The following DNAH6 variants were observed in gnomAD, a reference collection of about 807,000 sequenced individuals.
The protein encoded by DNAH6 is axonemal beta dynein heavy chain 6.
DNAH6 carries 340 observed loss-of-function variants against 491.4 expected under a neutral mutation model. The ratio of observed to expected loss-of-function variants is 0.69; its 90% CI spans 0.63 to 0.76. DNAH6 has a LOEUF of 0.76. Among genes scored for constraint, DNAH6 ranks in the 30% least tolerant of loss-of-function variants. DNAH6 has a pLI of 0.00. For synonymous variants in DNAH6, 1,603 were observed against 1,686.1 expected (o/e 0.95, Z 1.21); for missense variants, 4,443 against 4,972.2 (o/e 0.89, Z 3.20).
At chr2:84,575,782 G>T (rs1682375789) in intron 12 of DNAH6, among the ~76,000 whole-genome samples, 1 of 152,176 alleles carries the variant, frequency 6.6e-6, no homozygotes, top group Non-Finnish European at 1.5e-5. Flanking sequence ...TACTCCAGGG[G>T]CTGAGGCAGG....
intron 11 of DNAH6, among the ~76,000 whole-genome samples, chr2:84,572,903 CGTT>C (rs1189661727): frequency 6.6e-6 from 1 of 152,042 alleles, no homozygotes; most frequent in Admixed American, 6.6e-5. Context: ...GATTGGAAAT[CGTT>C]GTCTTGGTTT....
chr2:84,660,089 A>G (rs948711789), intron 37 of DNAH6, among the ~76,000 whole-genome samples: 1 of 152,234 alleles, frequency 6.6e-6, no homozygotes, highest in Non-Finnish European at 1.5e-5. Context: ...GATAGCAGCA[A>G]TGAGCATATC....
chr2:84,591,633 G>A (rs539145356), intron 16 of DNAH6, among the ~76,000 whole-genome samples: 2 of 152,222 alleles, frequency 1.3e-5, no homozygotes, highest in South Asian at 4.1e-4. Context: ...GGGAACCACA[G>A]AGGACCTCGA....
At chr2:84,528,883 T>TTC in intron 3 of DNAH6, 21 bp from the exon 4 acceptor site, 3 of 1,513,108 alleles carry the variant, frequency 2.0e-6, no homozygotes, top group Non-Finnish European at 2.7e-6. Context: ...TTTTTTTTTT[T>TTC]CAAAAATTGG....
At chr2:84,584,461 A>C (rs1225742719) in intron 15 of DNAH6, 1 of 537,876 alleles carries the variant, frequency 1.9e-6, no homozygotes, top group African/African-American at 1.9e-5. Flanking sequence ...AGAATAATTA[A>C]GACTACTCTT....
At chr2:84,750,491 G>C (rs1673366241) in intron 63 of DNAH6, among the ~76,000 whole-genome samples, 1 of 152,084 alleles carries the variant, frequency 6.6e-6, no homozygotes, top group South Asian at 2.1e-4. Flanking sequence ...GGCCTATGTG[G>C]TTATACTTTT....
chr2:84,511,111 G>C, the DNAH6 span, among the ~76,000 whole-genome samples: 1 of 152,182 alleles, frequency 6.6e-6, no homozygotes, highest in Non-Finnish European at 1.5e-5. Flanking sequence ...TGTCAGACAG[G>C]GACATTTAAG....
chr2:84,721,641 T>A (rs572527862), intron 59 of DNAH6, among the ~76,000 whole-genome samples: 1 of 152,320 alleles, frequency 6.6e-6, no homozygotes, highest in South Asian at 2.1e-4. Flanking sequence ...GATATAATAT[T>A]TTGGGTAGAT....
chr2:84,669,535 A>G lies in DNAH6; in HGVS notation c.6306+25A>G, dbSNP rs1478906772. The G allele has an allele frequency of 7.8e-6, 12 of 1,533,154 alleles. No individual in the cohort carries two copies. The Admixed American group carries it at 7.8e-5, about 10-fold the overall frequency. 95.0% of individuals were successfully genotyped at this position (1,533,154 alleles called of 1,614,324 possible). A position where few individuals can be genotyped will look rare whatever the true frequency, so the allele number is the denominator to read the frequency against. ...GGTAGGAAACTTACATCAAACAAGA[A>G]GTCCTCTCCAAATGTGAGGGCATGA... On this transcript the variant is annotated intron_variant, in intron 38 of 76. Transcript: ENST00000389394.
intron 5 of DNAH6, among the ~76,000 whole-genome samples, chr2:84,545,200 G>GTATATGTATACTTT (rs1678655592): frequency 1.3e-5 from 2 of 151,996 alleles, no homozygotes; most frequent in South Asian, 4.1e-4. Context: ...CCTTCACTTT[G>GTATATGTATACTTT]CATATGATAA....
At chr2:84,659,448 G>A (rs896079933) in intron 37 of DNAH6, among the ~76,000 whole-genome samples, 4 of 152,156 alleles carry the variant, frequency 2.6e-5, no homozygotes, top group Non-Finnish European at 5.9e-5. Flanking sequence ...ATTTTTCACA[G>A]TGTGAAAGTA....
intron 58 of DNAH6, among the ~76,000 whole-genome samples, chr2:84,717,049 A>G (rs1284983685): frequency 2.6e-5 from 4 of 152,156 alleles, no homozygotes; most frequent in East Asian, 1.9e-4. Flanking sequence ...GAAAATGCCA[A>G]CCACAATGCC....
chr2:84,683,803 G>A (rs539848026), intron 42 of DNAH6, among the ~76,000 whole-genome samples: 40 of 152,258 alleles, frequency 2.6e-4, no homozygotes, highest in Non-Finnish European at 4.9e-4. Flanking sequence ...CAAAGTAGAA[G>A]CTGTGGAGTG....
chr2:84,618,116 A>G (rs1687055295), intron 23 of DNAH6, among the ~76,000 whole-genome samples: 1 of 152,090 alleles, frequency 6.6e-6, no homozygotes, highest in African/African-American at 2.4e-5. Context: ...AAAACACAGA[A>G]GCCACTCTAA....
chr2:84,610,004 G>A (rs1347089166), intron 21 of DNAH6, among the ~76,000 whole-genome samples: 1 of 152,062 alleles, frequency 6.6e-6, no homozygotes, highest in Non-Finnish European at 1.5e-5. Context: ...GTTTAACTGA[G>A]GCCTCTTGCT....
chr2:84,779,175 T>C (rs1356599854), intron 64 of DNAH6, among the ~76,000 whole-genome samples: 1 of 152,196 alleles, frequency 6.6e-6, no homozygotes, highest in Non-Finnish European at 1.5e-5. Context: ...AGTGTCTGAT[T>C]TATGTCCAGA....
chr2:84,690,986 A>G (rs941811971), intron 45 of DNAH6, among the ~76,000 whole-genome samples: 1 of 152,224 alleles, frequency 6.6e-6, no homozygotes, highest in Non-Finnish European at 1.5e-5. Flanking sequence ...GAGCAAATGC[A>G]CCAGGCAGTT....
chr2:84,472,472 G>T, the DNAH6 span, among the ~76,000 whole-genome samples: 1 of 151,950 alleles, frequency 6.6e-6, no homozygotes, highest in South Asian at 2.1e-4. Flanking sequence ...AATGTGAATA[G>T]GTATCTACTG....
chr2:84,527,464 C>T (rs183422123), intron 3 of DNAH6, among the ~76,000 whole-genome samples: 1 of 152,222 alleles, frequency 6.6e-6, no homozygotes, highest in East Asian at 1.9e-4. Flanking sequence ...ACTTAGAATG[C>T]AGTAAGACTT....
Sources: gnomAD v4.1 joint callset for allele counts (sites outside exome capture counted in the v4.1 genomes callset) on GRCh38, gnomAD v4.1.1 for gene constraint, MANE v1.5 for transcripts, NCBI Gene and HGNC (gene_info 2026-07-23, HGNC 2026-07-21) for gene names.